Variants in DOCK2 observed in about 807,000 individuals in gnomAD.
DOCK2 encodes dedicator of cytokinesis 2, also known as dedicator of cytokinesis protein 2.
Under a neutral mutation model 248.9 loss-of-function variants are expected in DOCK2, and 87 were observed. The observed-to-expected ratio is 0.35, with a 90% CI of 0.29 to 0.42. The LOEUF (loss-of-function observed/expected upper bound fraction) is 0.42, where lower values mean the gene tolerates loss of function less well. Among genes scored for constraint, DOCK2 ranks in the 10% least tolerant of loss-of-function variants. DOCK2 has a pLI of 1.00. For missense variants in DOCK2, 1,747 were observed against 2,300.2 expected, an observed-to-expected ratio of 0.76 and a Z score of 4.92; for synonymous variants, 805 against 821.6, an observed-to-expected ratio of 0.98 and a Z score of 0.35.
intron 25 of DOCK2, among the ~76,000 whole-genome samples, chr5:169,789,936 T>G (rs1766224038): frequency 6.6e-6 from 1 of 152,252 alleles, no homozygotes; most frequent in Non-Finnish European, 1.5e-5. Context: ...CTTCAGTTTA[T>G]TTGAAATATA....
At chr5:169,869,847 C>G (rs538766458) in intron 27 of DOCK2, among the ~76,000 whole-genome samples, 15 of 152,338 alleles carry the variant, frequency 9.8e-5, no homozygotes, top group African/African-American at 3.4e-4. Flanking sequence ...TCCACCTACT[C>G]TCTGTACCCT....
At chr5:169,773,450 G>A (rs763913958) in intron 25 of DOCK2, among the ~76,000 whole-genome samples, 3 of 34,190 alleles carry the variant, frequency 8.8e-5, no homozygotes, top group African/African-American at 1.9e-4. Flanking sequence ...TAAACTCTTC[G>A]TGTGTGTGTG....
At chr5:169,835,905 C>T (rs1374908028) in intron 26 of DOCK2, among the ~76,000 whole-genome samples, 1 of 151,930 alleles carries the variant, frequency 6.6e-6, no homozygotes, top group Non-Finnish European at 1.5e-5. Context: ...CAAGTGTGCA[C>T]CACCATGCCA....
At chr5:169,882,967 G>T in intron 27 of DOCK2, 2 of 1,551,624 alleles carry the variant, frequency 1.3e-6, no homozygotes, top group Non-Finnish European at 1.7e-6. Context: ...TTGTGAGGGG[G>T]AACTGTGAGT....
At chr5:169,958,426 G>A (rs1334305021) in intron 27 of DOCK2, among the ~76,000 whole-genome samples, 1 of 152,130 alleles carries the variant, frequency 6.6e-6, no homozygotes, top group East Asian at 1.9e-4. Flanking sequence ...CCGAATAACA[G>A]GGCTGATGGT....
chr5:170,033,349 T>C (rs1365238183), intron 34 of DOCK2, among the ~76,000 whole-genome samples: 2 of 152,176 alleles, frequency 1.3e-5, no homozygotes, highest in East Asian at 1.9e-4. Context: ...AAATTTAGAA[T>C]ATAAATACTA....
At chr5:169,779,693 C>T (rs1160779799) in intron 25 of DOCK2, among the ~76,000 whole-genome samples, 1 of 152,076 alleles carries the variant, frequency 6.6e-6, no homozygotes, top group Non-Finnish European at 1.5e-5. Flanking sequence ...TTGTTCTGTC[C>T]CCACCCCACC....
At chr5:169,657,988 G>C (rs1758215169) in intron 2 of DOCK2, among the ~76,000 whole-genome samples, 1 of 152,038 alleles carries the variant, frequency 6.6e-6, no homozygotes. Context: ...CTAACTCAAT[G>C]ACATCACTTT....
chr5:169,883,150 A>G lies in DOCK2; in HGVS notation c.2799+42298A>G, dbSNP rs1167346897. On this transcript the variant is annotated intron_variant, in intron 27 of 51. Coordinates refer to ENST00000520908, the MANE Select transcript of DOCK2 (RefSeq NM_004946.3). ...GCAGGAGGTGGATTTTTCTGAATCT[A>G]GTGGAGTCACCCTTCTCCCATCACC... 2.6e-6 allele frequency: 4 copies of G among 1,551,582 alleles called. No homozygotes were observed. Among genetic ancestry groups the G allele is most frequent in the Non-Finnish European group, 3.5e-6 (4 of 1,146,928 alleles).
At chr5:169,894,440 G>A (rs1773475269) in intron 27 of DOCK2, among the ~76,000 whole-genome samples, 2 of 152,182 alleles carry the variant, frequency 1.3e-5, no homozygotes, top group African/African-American at 4.8e-5. Context: ...CAACTGTTGG[G>A]CCCTGGACTC....
intron 27 of DOCK2, among the ~76,000 whole-genome samples, chr5:169,858,026 A>G (rs1770990211): frequency 6.6e-6 from 1 of 152,184 alleles, no homozygotes; most frequent in African/African-American, 2.4e-5. Flanking sequence ...TCAGGACTGT[A>G]CTCACTATGG....
chr5:169,836,872 T>C (rs953860095), intron 26 of DOCK2, among the ~76,000 whole-genome samples: 13 of 152,134 alleles, frequency 8.5e-5, no homozygotes, highest in African/African-American at 2.4e-4. Context: ...TATAATTTGG[T>C]TTAGTGTTAT....
intron 2 of DOCK2, among the ~76,000 whole-genome samples, chr5:169,658,163 A>G (rs1015426407): frequency 7.2e-5 from 11 of 152,162 alleles, no homozygotes; most frequent in African/African-American, 2.4e-4. Context: ...ATGTCCCTCA[A>G]TTTCACTTGG....
At chr5:169,851,747 G>C (rs261083) in intron 27 of DOCK2, among the ~76,000 whole-genome samples, 48,201 of 151,938 alleles carry the variant, frequency 0.32, 10,004 homozygotes, top group African/African-American at 0.6. Flanking sequence ...GAAGCAGGGA[G>C]GTTTTACACG....
chr5:169,759,822 G>A, intron 24 of DOCK2, 47 bp downstream of exon 24: 1 of 1,609,702 alleles, frequency 6.2e-7, no homozygotes, highest in Non-Finnish European at 8.5e-7. Context: ...GCAAGCTAGG[G>A]ATTCAGAGTG....
intron 25 of DOCK2, among the ~76,000 whole-genome samples, chr5:169,765,133 T>C (rs1478528793): frequency 1.3e-5 from 2 of 152,056 alleles, no homozygotes; most frequent in East Asian, 3.9e-4. Context: ...TTGTTTTCTT[T>C]ATGGAGGCAA....
At chr5:170,012,521 A>G (rs935453217) in intron 32 of DOCK2, among the ~76,000 whole-genome samples, 2 of 152,208 alleles carry the variant, frequency 1.3e-5, no homozygotes, top group Non-Finnish European at 2.9e-5. Flanking sequence ...GCAAAGCTAT[A>G]ATCTCAGGCT....
At chr5:170,025,824 CTTCCTTCCTTCCTTCCTTCCTTCT>C (rs1755892161) in intron 33 of DOCK2, among the ~76,000 whole-genome samples, 6 of 117,828 alleles carry the variant, frequency 5.1e-5, no homozygotes, top group South Asian at 6.9e-4. Context: ...TCCTTCCTTC[CTTCCTTCCTTCCTTCCTTCCTTCT>C]TTCCTTCCTT....
At chr5:169,695,716 C>G in intron 9 of DOCK2, 87 bp from the exon 10 acceptor site, 1 of 1,577,468 alleles carries the variant, frequency 6.3e-7, no homozygotes, top group Non-Finnish European at 8.6e-7. Flanking sequence ...ATACATCCCT[C>G]AGAAATTACT....
Sources: gnomAD v4.1 joint callset for allele counts (sites outside exome capture counted in the v4.1 genomes callset) on GRCh38, gnomAD v4.1.1 for gene constraint, MANE v1.5 for transcripts, NCBI Gene and HGNC (gene_info 2026-07-23, HGNC 2026-07-21) for gene names.